Variants in MICU1 observed in about 807,000 individuals in gnomAD.
MICU1 encodes mitochondrial calcium uptake 1, also known as calcium uptake protein 1, mitochondrial.
A neutral mutation model predicts 56.8 loss-of-function variants in MICU1; 45 were observed. The ratio of observed to expected loss-of-function variants is 0.79; its 90% CI spans 0.62 to 1.02. The LOEUF (loss-of-function observed/expected upper bound fraction) is 1.02. Ranked by LOEUF, MICU1 falls within the 50% of genes least tolerant of loss-of-function variation. The pLI, the probability that MICU1 is intolerant of heterozygous loss-of-function variation, is 0.00. For missense variants in MICU1, 504 were observed against 587.1 expected, an observed-to-expected ratio of 0.86 and a Z score of 1.46; for synonymous variants, 186 against 195.1, an observed-to-expected ratio of 0.95 and a Z score of 0.39.
intron 1 of MICU1, among the ~76,000 whole-genome samples, chr10:72,580,327 C>T (rs1465429329): frequency 2.6e-5 from 4 of 152,120 alleles, no homozygotes; most frequent in African/African-American, 9.7e-5. Context: ...AACAACCCCA[C>T]CCCACTCTAC....
At chr10:72,389,962 C>A (rs1353908762) in intron 10 of MICU1, among the ~76,000 whole-genome samples, 1 of 152,192 alleles carries the variant, frequency 6.6e-6, no homozygotes, top group Non-Finnish European at 1.5e-5. Context: ...TACGAATGAG[C>A]AATAGAACCA....
At chr10:72,492,485 G>A (rs1340566392) in intron 6 of MICU1, among the ~76,000 whole-genome samples, 1 of 152,100 alleles carries the variant, frequency 6.6e-6, no homozygotes, top group Non-Finnish European at 1.5e-5. Flanking sequence ...CATATGGGCT[G>A]GGCGTGGTGG....
intron 1 of MICU1, among the ~76,000 whole-genome samples, chr10:72,600,029 C>T (rs1033728124): frequency 2.0e-5 from 3 of 152,192 alleles, no homozygotes; most frequent in Non-Finnish European, 4.4e-5. Flanking sequence ...TGGTGGCTCA[C>T]GCCTGTAATC....
intron 8 of MICU1, among the ~76,000 whole-genome samples, chr10:72,459,839 G>A (rs7073061): frequency 0.62 from 94,324 of 152,012 alleles, 30,026 homozygotes; most frequent in Non-Finnish European, 0.67. Context: ...AGAGAACTCA[G>A]CATTTCTTTA....
At chr10:72,390,065 T>C (rs1863020056) in intron 10 of MICU1, among the ~76,000 whole-genome samples, 1 of 152,204 alleles carries the variant, frequency 6.6e-6, no homozygotes, top group South Asian at 2.1e-4. Context: ...GTTAGAACTC[T>C]TGAAAACACT....
chr10:72,412,111 G>C (rs906645723), intron 9 of MICU1, among the ~76,000 whole-genome samples: 4 of 152,182 alleles, frequency 2.6e-5, no homozygotes, highest in Admixed American at 2.6e-4. Context: ...AAGTGAAGAT[G>C]ATGTCAGTCC....
At chr10:72,423,399 T>C (rs752466561) in intron 8 of MICU1, 28 bp from the exon 9 acceptor site, 11 of 1,609,484 alleles carry the variant, frequency 6.8e-6, no homozygotes, top group Non-Finnish European at 8.5e-6. Context: ...AGAATGTTCC[T>C]AGGGTCAATG....
intron 6 of MICU1, among the ~76,000 whole-genome samples, chr10:72,498,154 T>C (rs908633419): frequency 3.3e-5 from 5 of 152,236 alleles, no homozygotes; most frequent in Admixed American, 3.3e-4. Context: ...ATAATTTTGA[T>C]TGGACAAGTC....
intron 10 of MICU1, among the ~76,000 whole-genome samples, chr10:72,390,825 C>T (rs1368568175): frequency 6.6e-6 from 1 of 152,236 alleles, no homozygotes; most frequent in Non-Finnish European, 1.5e-5. Context: ...TAGCACTTAT[C>T]ACACCCAACT....
intron 1 of MICU1, among the ~76,000 whole-genome samples, chr10:72,604,095 A>C (rs1020879811): frequency 2.6e-5 from 4 of 152,112 alleles, no homozygotes; most frequent in Non-Finnish European, 4.4e-5. Context: ...CTGCTAACGG[A>C]AGTCTCTTCC....
At chr10:72,400,661 G>A (rs1458539125) in intron 10 of MICU1, among the ~76,000 whole-genome samples, 4 of 151,998 alleles carry the variant, frequency 2.6e-5, no homozygotes, top group East Asian at 1.9e-4. Context: ...CAGGAGAATC[G>A]CTTGAACCCA....
chr10:72,626,033 G>C lies in MICU1; in HGVS notation c.-25C>G. 6.5e-6 allele frequency: 1 copy of C among 152,988 alleles called. No individual in the cohort carries two copies. The highest frequency in any genetic ancestry group is 1.9e-4 in the East Asian group (1 of 5,334). The allele number at this position is 152,988 out of a possible 1,614,324, so 9.5% of individuals were successfully genotyped here. A position where few individuals can be genotyped will look rare whatever the true frequency, so the allele number is the denominator to read the frequency against. Reference sequence around the variant, plus strand: ...ACGCGTCCAAACACGAGCTCCAGCAGCCTCTCGGTCAAAGCCGCCCACCTC... The same window carrying C: ...ACGCGTCCAAACACGAGCTCCAGCACCCTCTCGGTCAAAGCCGCCCACCTC... On this transcript the variant is annotated 5_prime_UTR_variant, in exon 1 of 12. Transcript: ENST00000361114.
At chr10:72,490,076 C>T (rs1866603065) in intron 6 of MICU1, among the ~76,000 whole-genome samples, 1 of 152,074 alleles carries the variant, frequency 6.6e-6, no homozygotes, top group African/African-American at 2.4e-5. Context: ...AGGGAGGGAC[C>T]AAATAGTGGG....
At chr10:72,438,271 A>G (rs1864801136) in intron 8 of MICU1, among the ~76,000 whole-genome samples, 1 of 152,226 alleles carries the variant, frequency 6.6e-6, no homozygotes, top group Non-Finnish European at 1.5e-5. Flanking sequence ...ACTACATGGA[A>G]ACTGAACAAC....
intron 6 of MICU1, among the ~76,000 whole-genome samples, chr10:72,488,135 G>A (rs1437278033): frequency 1.3e-5 from 2 of 150,652 alleles, no homozygotes; most frequent in East Asian, 3.9e-4. Context: ...AGAGGTTGCG[G>A]TGAGCTGAGA....
chr10:72,524,783 T>C (rs1475245795), intron 5 of MICU1: 6 of 1,216,916 alleles, frequency 4.9e-6, no homozygotes, highest in African/African-American at 1.6e-5. Flanking sequence ...AACATTGACA[T>C]TGTTTGATTA....
At chr10:72,529,619 T>C (rs1201368333) in intron 5 of MICU1, among the ~76,000 whole-genome samples, 1 of 152,104 alleles carries the variant, frequency 6.6e-6, no homozygotes, top group Non-Finnish European at 1.5e-5. Context: ...ATACAAAATA[T>C]AATTTCTATC....
At chr10:72,618,237 AAC>A (rs1276224943) in intron 1 of MICU1, among the ~76,000 whole-genome samples, 1 of 152,076 alleles carries the variant, frequency 6.6e-6, no homozygotes, top group Non-Finnish European at 1.5e-5. Context: ...TCTGATCACA[AAC>A]ACATTGTTTT....
chr10:72,455,350 CAAAAAA>C (rs56378605), intron 8 of MICU1, among the ~76,000 whole-genome samples: 52 of 44,210 alleles, frequency 1.2e-3, no homozygotes, highest in Middle Eastern at 0.05. Context: ...GACTCTGTCT[CAAAAAA>C]AAAAAAAAAA....
Sources: gnomAD v4.1 joint callset for allele counts (sites outside exome capture counted in the v4.1 genomes callset) on GRCh38, gnomAD v4.1.1 for gene constraint, MANE v1.5 for transcripts, NCBI Gene and HGNC (gene_info 2026-07-23, HGNC 2026-07-21) for gene names.